The following CACNB2 variants were observed in gnomAD, a reference collection of about 807,000 sequenced individuals.
CACNB2 encodes the protein calcium voltage-gated channel auxiliary subunit beta 2.
CACNB2 carries 42 observed loss-of-function variants against 73.3 expected under a neutral mutation model. The ratio of observed to expected loss-of-function variants is 0.57; its 90% CI spans 0.45 to 0.74. The LOEUF (loss-of-function observed/expected upper bound fraction) is 0.74, where lower values mean the gene tolerates loss of function less well. Among genes scored for constraint, CACNB2 ranks in the 30% least tolerant of loss-of-function variants. The pLI is 0.00. For missense variants in CACNB2, 940 were observed against 853.0 expected (o/e 1.10, Z -1.27); for synonymous variants, 348 against 310.3 (o/e 1.12, Z -1.28).
intron 2 of CACNB2, chr10:18,257,026 A>G (rs1266254088): frequency 6.6e-6 from 1 of 152,256 alleles, no homozygotes; most frequent in Admixed American, 6.5e-5. Context: ...GTGCCAATAT[A>G]GGAGTTAATG....
intron 7 of CACNB2, among the ~76,000 whole-genome samples, chr10:18,514,746 C>G (rs1021718819): frequency 4.6e-5 from 7 of 152,166 alleles, no homozygotes; most frequent in African/African-American, 1.7e-4. Context: ...TATCTACCAC[C>G]AAGGGAATTT....
chr10:18,337,205 C>G lies in CACNB2; in HGVS notation c.214-64719C>G, dbSNP rs75042170. 1.6e-4 allele frequency among the ~76,000 whole-genome samples: 24 copies of G among 152,274 alleles called. No homozygotes were observed. In the East Asian group the frequency reaches 4.6e-3, roughly 29 times the overall value. On this transcript the variant is annotated intron_variant, in intron 2 of 13. Coordinates refer to ENST00000324631, the MANE Select transcript of CACNB2 (RefSeq NM_201596.3). ...TGTGTAGTAGCGTAATCTTGGCTCACTGCCCCCTCGACTTCCTGGAGTCAA... is the reference window on the plus strand; with the variant it reads ...TGTGTAGTAGCGTAATCTTGGCTCAGTGCCCCCTCGACTTCCTGGAGTCAA...
chr10:18,276,770 G>T (rs1283608788), intron 2 of CACNB2, among the ~76,000 whole-genome samples: 1 of 151,874 alleles, frequency 6.6e-6, no homozygotes, highest in African/African-American at 2.4e-5. Flanking sequence ...GTAGAGACAG[G>T]GTTTCGCCAT....
intron 3 of CACNB2, among the ~76,000 whole-genome samples, chr10:18,498,125 A>G (rs1026443118): frequency 1.3e-5 from 2 of 152,216 alleles, no homozygotes; most frequent in African/African-American, 4.8e-5. Flanking sequence ...AGTGCTTTCA[A>G]AGAGAACAAT....
At chr10:18,300,320 C>T (rs569817908) in intron 2 of CACNB2, among the ~76,000 whole-genome samples, 13 of 152,274 alleles carry the variant, frequency 8.5e-5, no homozygotes, top group East Asian at 1.9e-4. Flanking sequence ...CCACGCCCAG[C>T]GGTGTTGTGT....
chr10:18,522,228 T>G (rs1197003051), intron 9 of CACNB2, among the ~76,000 whole-genome samples: 1 of 152,002 alleles, frequency 6.6e-6, no homozygotes, highest in African/African-American at 2.4e-5. Context: ...TCCCACTGAT[T>G]CTACATTATG....
At chr10:18,512,863 A>T (rs2050896845) in intron 6 of CACNB2, among the ~76,000 whole-genome samples, 2 of 152,188 alleles carry the variant, frequency 1.3e-5, no homozygotes, top group African/African-American at 4.8e-5. Context: ...GGATGAGGCA[A>T]AACTTCGTAG....
At chr10:18,506,294 A>G (rs1369904551) in intron 5 of CACNB2, among the ~76,000 whole-genome samples, 177 bp from the exon 6 acceptor site, 1 of 152,226 alleles carries the variant, frequency 6.6e-6, no homozygotes, top group Non-Finnish European at 1.5e-5. Flanking sequence ...AGAGACCATC[A>G]TGTGGCTATT....
chr10:18,275,844 G>GA (rs2038262342), intron 2 of CACNB2, among the ~76,000 whole-genome samples: 1 of 152,122 alleles, frequency 6.6e-6, no homozygotes. Context: ...GCAGACCACA[G>GA]AAGCTCAAGA....
intron 9 of CACNB2, among the ~76,000 whole-genome samples, chr10:18,524,713 C>G (rs1167568878): frequency 6.9e-6 from 1 of 145,464 alleles, no homozygotes. Flanking sequence ...ATGGAAACCA[C>G]GAGGAAAATA....
At chr10:18,392,146 G>T (rs2043506057) in intron 2 of CACNB2, among the ~76,000 whole-genome samples, 1 of 151,978 alleles carries the variant, frequency 6.6e-6, no homozygotes, top group Non-Finnish European at 1.5e-5. Context: ...TACCTCTGAG[G>T]AATATCAAGG....
intron 2 of CACNB2, among the ~76,000 whole-genome samples, chr10:18,389,255 GCTT>G (rs1325174380): frequency 2.6e-5 from 4 of 152,172 alleles, no homozygotes; most frequent in Non-Finnish European, 5.9e-5. Flanking sequence ...TCCTGCCTCA[GCTT>G]CCCAAGTAGC....
At chr10:18,220,154 TACACACACACACACACAC>T (rs1307338427) in intron 2 of CACNB2, among the ~76,000 whole-genome samples, 2 of 33,632 alleles carry the variant, frequency 5.9e-5, no homozygotes, top group Non-Finnish European at 1.3e-4. Flanking sequence ...TATATATATA[TACACACACACACACACAC>T]ATACATATAT....
intron 3 of CACNB2, among the ~76,000 whole-genome samples, chr10:18,422,326 A>G (rs1325576842): frequency 6.6e-6 from 1 of 152,208 alleles, no homozygotes; most frequent in African/African-American, 2.4e-5. Flanking sequence ...TCTTGAGGGA[A>G]TCCCACCTGT....
At chr10:18,251,737 G>A (rs1166909631) in intron 2 of CACNB2, among the ~76,000 whole-genome samples, 1 of 152,230 alleles carries the variant, frequency 6.6e-6, no homozygotes, top group Admixed American at 6.5e-5. Context: ...ACAGGTGAAG[G>A]GGAAGCAACC....
chr10:18,162,437 G>A (rs138827435), intron 2 of CACNB2, among the ~76,000 whole-genome samples: 16 of 152,240 alleles, frequency 1.1e-4, no homozygotes, highest in East Asian at 1.9e-4. Flanking sequence ...TCAATGACGC[G>A]TACTCGTTCA....
intron 2 of CACNB2, among the ~76,000 whole-genome samples, chr10:18,172,160 C>T (rs781108019): frequency 7.2e-5 from 11 of 152,056 alleles, no homozygotes; most frequent in Admixed American, 2.6e-4. Context: ...GTCAGGAGTT[C>T]GAGACCAGCC....
intron 2 of CACNB2, among the ~76,000 whole-genome samples, chr10:18,160,975 G>A (rs1440193203): frequency 1.3e-5 from 2 of 152,120 alleles, no homozygotes; most frequent in Admixed American, 1.3e-4. Context: ...CCAAGCATGT[G>A]TGTCTGTTAC....
intron 6 of CACNB2, 103 bp from the exon 7 acceptor site, chr10:18,514,131 GAT>G: frequency 1.7e-6 from 2 of 1,198,620 alleles, no homozygotes; most frequent in Non-Finnish European, 2.5e-6. Flanking sequence ...GAGCACTCAT[GAT>G]AGTTTTTTTT....
Sources: gnomAD v4.1 joint callset for allele counts (sites outside exome capture counted in the v4.1 genomes callset) on GRCh38, gnomAD v4.1.1 for gene constraint, MANE v1.5 for transcripts, NCBI Gene and HGNC (gene_info 2026-07-23, HGNC 2026-07-21) for gene names.